CDK17: variants seen among roughly 807,000 people sequenced by gnomAD.
The protein encoded by CDK17 is cyclin dependent kinase 17, also known as cyclin-dependent kinase 17.
A neutral mutation model predicts 77.6 loss-of-function variants in CDK17; 24 were observed. The observed-to-expected ratio is 0.31, with a 90% confidence interval of 0.22 to 0.44. The LOEUF (loss-of-function observed/expected upper bound fraction) is 0.44. Ranked by LOEUF, CDK17 falls within the 20% of genes least tolerant of loss-of-function variation. The pLI is 1.00. For synonymous variants in CDK17, 203 were observed against 210.4 expected, an observed-to-expected ratio of 0.96 and a Z score of 0.30; for missense variants, 429 against 622.5, an observed-to-expected ratio of 0.69 and a Z score of 3.31.
chr12:96,300,384 G>T (rs10777781), intron 5 of CDK17, 24 bp from the exon 6 acceptor site: 1,359,702 of 1,400,492 alleles, frequency 0.97, 660,119 homozygotes, highest in East Asian at 1. Flanking sequence ...AATGAAAAAT[G>T]TAGTATTTAC....
At chr12:96,280,959 G>A (rs1952172033) in intron 15 of CDK17, 74 bp from the exon 16 acceptor site, 1 of 1,222,552 alleles carries the variant, frequency 8.2e-7, no homozygotes. Flanking sequence ...ATCAACAAAT[G>A]TTTATAAAGC....
At chr12:96,337,197 G>A (rs1239130178) in intron 1 of CDK17, among the ~76,000 whole-genome samples, 3 of 151,960 alleles carry the variant, frequency 2.0e-5, no homozygotes, top group Non-Finnish European at 4.4e-5. Flanking sequence ...CTCACTCTAT[G>A]GTGTGGCTCT....
intron 3 of CDK17, among the ~76,000 whole-genome samples, chr12:96,317,183 G>C (rs1441353339): frequency 3.3e-5 from 5 of 150,050 alleles, no homozygotes; most frequent in African/African-American, 7.3e-5. Context: ...GAGCCGATGC[G>C]ATCAACTGGA....
At chr12:96,369,075 C>T (rs12815000) in intron 1 of CDK17, among the ~76,000 whole-genome samples, 8,952 of 151,876 alleles carry the variant, frequency 0.059, 353 homozygotes, top group Admixed American at 0.092. Flanking sequence ...GGTGTATTCA[C>T]TAAAAAACAA....
intron 1 of CDK17, among the ~76,000 whole-genome samples, chr12:96,387,683 T>C (rs34380884): frequency 0.049 from 7,413 of 152,314 alleles, 246 homozygotes; most frequent in Non-Finnish European, 0.061. Flanking sequence ...GGCTCACACC[T>C]GTAATCCCAG....
chr12:96,280,314 G>A (rs1192588248), intron 16 of CDK17, 35 bp from the exon 17 acceptor site: 2 of 1,548,280 alleles, frequency 1.3e-6, no homozygotes, highest in African/African-American at 2.7e-5. Context: ...GGCAGTTCAA[G>A]GTTCAGTTTT....
chr12:96,282,315 T>A, intron 15 of CDK17, 194 bp downstream of exon 15: 1 of 514,112 alleles, frequency 1.9e-6, no homozygotes, highest in Non-Finnish European at 3.5e-6. Context: ...AGTGACAATG[T>A]GCTCAGTGTT....
intron 5 of CDK17, among the ~76,000 whole-genome samples, chr12:96,307,482 C>T (rs1208021229): frequency 6.6e-6 from 1 of 152,112 alleles, no homozygotes; most frequent in Non-Finnish European, 1.5e-5. Context: ...GGAACAAATA[C>T]AACCTCAAAA....
intron 1 of CDK17, among the ~76,000 whole-genome samples, chr12:96,381,600 T>G (rs936715221): frequency 1.3e-5 from 2 of 152,060 alleles, no homozygotes; most frequent in East Asian, 3.8e-4. Flanking sequence ...TACATTTTTT[T>G]GCCTGCCATT....
chr12:96,355,567 C>G (rs1953381538), intron 1 of CDK17, among the ~76,000 whole-genome samples: 1 of 151,850 alleles, frequency 6.6e-6, no homozygotes. Flanking sequence ...ACCATGTCCA[C>G]CTAATTTTTT....
At chr12:96,323,871 G>A in intron 3 of CDK17, 77 bp downstream of exon 3, 1 of 1,004,422 alleles carries the variant, frequency 1.0e-6, no homozygotes, top group Non-Finnish European at 1.4e-6. Context: ...GATAATAAAA[G>A]TTGCTTAATT....
chr12:96,384,690 A>G (rs1488880772), intron 1 of CDK17, among the ~76,000 whole-genome samples: 1 of 152,172 alleles, frequency 6.6e-6, no homozygotes, highest in Non-Finnish European at 1.5e-5. Flanking sequence ...TCTCACTTAT[A>G]TTTGGGAGCT....
At chr12:96,362,150 T>G (rs369065232) in intron 1 of CDK17, among the ~76,000 whole-genome samples, 11 of 152,202 alleles carry the variant, frequency 7.2e-5, no homozygotes, top group African/African-American at 2.7e-4. Flanking sequence ...TGTCCTTTCA[T>G]GGACTTTTTA....
intron 1 of CDK17, among the ~76,000 whole-genome samples, chr12:96,390,955 C>T (rs900975614): frequency 2.0e-5 from 3 of 151,520 alleles, no homozygotes; most frequent in African/African-American, 7.3e-5. Context: ...GGCATGGTGG[C>T]ACACGCCTAT....
chr12:96,348,532 A>C (rs1253782447), intron 1 of CDK17, among the ~76,000 whole-genome samples: 5 of 151,148 alleles, frequency 3.3e-5, no homozygotes, highest in African/African-American at 1.2e-4. Context: ...TCAAAAAAAA[A>C]AAAAAAAAAA....
intron 5 of CDK17, among the ~76,000 whole-genome samples, chr12:96,307,160 T>G (rs1434465762): frequency 1.3e-5 from 2 of 152,030 alleles, no homozygotes; most frequent in Non-Finnish European, 2.9e-5. Context: ...CCGGGTGTGG[T>G]GGCGCATGCC....
chr12:96,330,183 A>G (rs1290781249), intron 2 of CDK17, among the ~76,000 whole-genome samples: 6 of 152,160 alleles, frequency 3.9e-5, no homozygotes, highest in Non-Finnish European at 7.3e-5. Flanking sequence ...CCATTACAAG[A>G]AAAAATAAGT....
At chr12:96,319,950 G>A (rs1952792562) in intron 3 of CDK17, among the ~76,000 whole-genome samples, 1 of 148,420 alleles carries the variant, frequency 6.7e-6, no homozygotes, top group African/African-American at 2.5e-5. Context: ...TTCTGGCCAG[G>A]GCAATCAGGC....
chr12:96,378,351 A>G (rs1280167891), intron 1 of CDK17, among the ~76,000 whole-genome samples: 1 of 151,930 alleles, frequency 6.6e-6, no homozygotes, highest in East Asian at 1.9e-4. Context: ...GCTACTGGGA[A>G]CTCTTTCAGT....
Sources: gnomAD v4.1 joint callset for allele counts (sites outside exome capture counted in the v4.1 genomes callset) on GRCh38, gnomAD v4.1.1 for gene constraint, MANE v1.5 for transcripts, NCBI Gene and HGNC (gene_info 2026-07-23, HGNC 2026-07-21) for gene names.